DEK: variants seen among roughly 807,000 people sequenced by gnomAD.
DEK encodes the protein protein DEK.
Under a neutral mutation model 46.8 loss-of-function variants are expected in DEK, and 28 were observed. The ratio of observed to expected loss-of-function variants is 0.60; its 90% CI spans 0.44 to 0.82. The LOEUF (loss-of-function observed/expected upper bound fraction) is 0.82. Ranked by LOEUF, DEK falls within the 40% of genes least tolerant of loss-of-function variation. DEK has a pLI of 0.00. For synonymous variants in DEK, 160 were observed against 144.5 expected, an observed-to-expected ratio of 1.11 and a Z score of -0.77; for missense variants, 416 against 430.6, an observed-to-expected ratio of 0.97 and a Z score of 0.30.
In DEK at chr6:18,257,981, T is replaced by C; in HGVS notation, c.329A>G (p.His110Arg). ...KKKTDELRNL[H>R]KLLYNRPGTV... ...GCCTGGCCTGTTGTAAAGCAGTTTGTGTAGATTTCTAAGTTCATCGGTTTT... is the reference window on the plus strand; with the variant it reads ...GCCTGGCCTGTTGTAAAGCAGTTTGCGTAGATTTCTAAGTTCATCGGTTTT... The change falls in exon 4 of 11, where the codon CAC becomes CGC. Residue 110 changes from histidine (H) to arginine (R), a missense_variant. Coordinates refer to ENST00000652689, the MANE Select transcript of DEK (RefSeq NM_003472.4). The C allele has an allele frequency of 6.2e-7, 1 of 1,610,884 alleles. No homozygotes were observed. Among genetic ancestry groups the C allele is most frequent in the Non-Finnish European group, 8.5e-7 (1 of 1,179,064 alleles).
intron 9 of DEK, among the ~76,000 whole-genome samples, chr6:18,228,208 T>G (rs1055967704): frequency 6.6e-6 from 1 of 152,170 alleles, no homozygotes; most frequent in Non-Finnish European, 1.5e-5. Context: ...TCTACTCAAC[T>G]ATGCGTTGTA....
chr6:18,237,164 T>G (rs1443970807), intron 8 of DEK: 10 of 403,018 alleles, frequency 2.5e-5, no homozygotes, highest in Non-Finnish European at 4.2e-5. Context: ...CCCCAAGATA[T>G]CTCTCTCTCT....
At chr6:18,237,860 C>CTTTTTTTTTTTTT (rs60332682) in intron 7 of DEK, among the ~76,000 whole-genome samples, 2 of 88,500 alleles carry the variant, frequency 2.3e-5, no homozygotes, top group Non-Finnish European at 4.2e-5. Context: ...CAACTGGAAT[C>CTTTTTTTTTTTTT]TTTTTTTTTT....
intron 10 of DEK, 97 bp from the exon 11 acceptor site, chr6:18,225,827 T>C (rs893861846): frequency 9.8e-6 from 14 of 1,426,026 alleles, no homozygotes; most frequent in Middle Eastern, 1.8e-4. Context: ...AAAAATCAGT[T>C]GAGATCAATA....
In DEK at chr6:18,225,804, T is replaced by C. The variant is rs935429218; in HGVS notation, c.1117-74A>G. On this transcript the variant is annotated intron_variant, in intron 10 of 10. Transcript: ENST00000652689. Reference sequence around the variant, plus strand: ...CCCATTTTTTCCACATCTATTTTACTATTTTGTCCTTCAAAAATCAGTTGA... The same window carrying C: ...CCCATTTTTTCCACATCTATTTTACCATTTTGTCCTTCAAAAATCAGTTGA... The C allele has an allele frequency of 1.2e-5, 18 of 1,558,826 alleles. No homozygotes were observed. In the East Asian group the frequency reaches 4.1e-4, roughly 35 times the overall value.
chr6:18,237,880 T>C (rs1002837705), intron 7 of DEK, among the ~76,000 whole-genome samples: 23 of 147,936 alleles, frequency 1.6e-4, no homozygotes, highest in African/African-American at 4.3e-4. Flanking sequence ...TTTTTTTTTT[T>C]TTTTGAGACA....
At chr6:18,248,656 AAC>A (rs1791228135) in intron 7 of DEK, among the ~76,000 whole-genome samples, 2 of 152,340 alleles carry the variant, frequency 1.3e-5, no homozygotes, top group South Asian at 4.1e-4. Context: ...AATTGTAAAT[AAC>A]TCAAGACAAA....
At chr6:18,245,278 T>A (rs1445476850) in intron 7 of DEK, among the ~76,000 whole-genome samples, 1 of 152,236 alleles carries the variant, frequency 6.6e-6, no homozygotes, top group Non-Finnish European at 1.5e-5. Flanking sequence ...TGCCATATAC[T>A]AAAGATGAGA....
intron 9 of DEK, among the ~76,000 whole-genome samples, chr6:18,233,567 C>T (rs1287574948): frequency 6.6e-6 from 1 of 152,178 alleles, no homozygotes; most frequent in African/African-American, 2.4e-5. Context: ...CAAAAGAAGA[C>T]ATTTATGCAG....
intron 7 of DEK, chr6:18,244,722 CAGA>C (rs1298146556): frequency 1.3e-5 from 5 of 389,558 alleles, no homozygotes; most frequent in Admixed American, 3.9e-5. Context: ...TTATATTTCA[CAGA>C]AGATTATGAA....
At chr6:18,254,590 G>T (rs563693503) in intron 6 of DEK, among the ~76,000 whole-genome samples, 1 of 151,776 alleles carries the variant, frequency 6.6e-6, no homozygotes, top group Admixed American at 6.6e-5. Flanking sequence ...AGCTCTTGGG[G>T]TCCTCACTAA....
intron 2 of DEK, among the ~76,000 whole-genome samples, chr6:18,258,969 T>A (rs1791720736): frequency 6.6e-6 from 1 of 152,216 alleles, no homozygotes; most frequent in Non-Finnish European, 1.5e-5. Context: ...GGGAGAGCAT[T>A]ACTTTGTAGT....
At chr6:18,248,742 G>T (rs936765259) in intron 7 of DEK, among the ~76,000 whole-genome samples, 1 of 152,086 alleles carries the variant, frequency 6.6e-6, no homozygotes, top group Non-Finnish European at 1.5e-5. Context: ...TAATTCAGTG[G>T]AGATGATTCC....
chr6:18,264,097 C>T (rs1792000416), intron 1 of DEK, 101 bp from the exon 2 acceptor site: 1 of 1,134,542 alleles, frequency 8.8e-7, no homozygotes, highest in South Asian at 1.7e-5. Flanking sequence ...GGGACACCTG[C>T]CCTGAAAGTT....
At chr6:18,251,989 T>A (rs560761016) in intron 6 of DEK, among the ~76,000 whole-genome samples, 1 of 152,084 alleles carries the variant, frequency 6.6e-6, no homozygotes, top group Non-Finnish European at 1.5e-5. Flanking sequence ...AGTAGTAATA[T>A]ACAAATGCCT....
chr6:18,245,113 C>T (rs1280821345), intron 7 of DEK, among the ~76,000 whole-genome samples: 3 of 152,216 alleles, frequency 2.0e-5, no homozygotes, highest in Non-Finnish European at 4.4e-5. Context: ...AAAGTGCTGG[C>T]TGATGCCATG....
chr6:18,236,611 TATA>T lies in DEK; in HGVS notation c.899-14_899-12del, dbSNP rs753989671. ...CCTCAGACTCACTTTCTAAAAGTAA[TATA>T]ATAATAATAATTTTTCTTACATAGT... is the stretch of plus-strand genomic sequence containing the variant. On this transcript the variant is annotated splice_polypyrimidine_tract_variant and intron_variant, in intron 8 of 10. Transcript: ENST00000652689. 3.6e-5 allele frequency: 51 copies of T among 1,403,320 alleles called. No homozygotes were observed. The highest frequency in any genetic ancestry group is 4.1e-5 in the Non-Finnish European group (43 of 1,057,036). 86.9% of individuals were successfully genotyped at this position (1,403,320 alleles called of 1,614,324 possible).
chr6:18,236,569 T>C lies in DEK; in HGVS notation c.930A>G (p.Glu310=). 6.3e-7 allele frequency: 1 copy of C among 1,581,138 alleles called. No homozygotes were observed. Among genetic ancestry groups the C allele is most frequent in the Non-Finnish European group, 8.6e-7 (1 of 1,169,514 alleles). Residue 310 remains glutamate, a synonymous_variant, in exon 9 of 11, where the codon GAA becomes GAG. Transcript: ENST00000652689. ...ESESEDSSDD[E]PLIKKLKKPP... is the part of the protein sequence containing the mutation. ...GTTTCTTCAACTTTTTAATTAAAGGTTCATCATCTGAACTATCCTCAGACT... is the reference window on the plus strand; with the variant it reads ...GTTTCTTCAACTTTTTAATTAAAGGCTCATCATCTGAACTATCCTCAGACT...
rs898383998 is a variant in DEK, at chr6:18,227,754, C to T, written c.1048-1512G>A. Among the ~76,000 whole-genome samples the T allele has an allele frequency of 5.3e-5, 8 of 152,194 alleles. No homozygotes were observed. The East Asian group carries it at 7.7e-4, about 15-fold the overall frequency. ...CCCCAACAAACATGGGTAAAGAAAA[C>T]ATCCAGATAGATCTTAGATAACAGA... On this transcript the variant is annotated intron_variant, in intron 9 of 10. Coordinates refer to ENST00000652689, the MANE Select transcript of DEK (RefSeq NM_003472.4).
Sources: gnomAD v4.1 joint callset for allele counts (sites outside exome capture counted in the v4.1 genomes callset) on GRCh38, gnomAD v4.1.1 for gene constraint, MANE v1.5 for transcripts, NCBI Gene and HGNC (gene_info 2026-07-23, HGNC 2026-07-21) for gene names.